WNT8B: variants seen among roughly 807,000 people sequenced by gnomAD.
WNT8B encodes Wnt family member 8B, also known as protein Wnt-8b.
Under a neutral mutation model 36.6 loss-of-function variants are expected in WNT8B, and 24 were observed. The observed-to-expected ratio is 0.66, with a 90% confidence interval of 0.48 to 0.92. The LOEUF is 0.92. WNT8B is among the 40% of genes least tolerant of loss of function. The probability of loss-of-function intolerance (pLI) is 0.00; values close to 1 mark genes in which losing one functional copy is unlikely to be tolerated. For missense variants in WNT8B, 402 were observed against 470.8 expected, an observed-to-expected ratio of 0.85 and a Z score of 1.35; for synonymous variants, 199 against 189.8, an observed-to-expected ratio of 1.05 and a Z score of -0.40.
intron 1 of WNT8B, among the ~76,000 whole-genome samples, chr10:100,477,940 C>CTGTTTTTTTTTTT (rs1169521181): frequency 4.2e-4 from 61 of 145,146 alleles, no homozygotes; most frequent in African/African-American, 1.6e-3. Context: ...CCATGCCTAG[C>CTGTTTTTTTTTTT]TATTTTTTTT....
intron 1 of WNT8B, among the ~76,000 whole-genome samples, chr10:100,478,454 T>C (rs556918838): frequency 6.6e-6 from 1 of 152,322 alleles, no homozygotes; most frequent in Non-Finnish European, 1.5e-5. Context: ...CCCCACTTCA[T>C]GGCAGAATAA....
At chr10:100,468,762 T>C (rs10883497) in intron 1 of WNT8B, among the ~76,000 whole-genome samples, 32,454 of 152,276 alleles carry the variant, frequency 0.21, 3,559 homozygotes, top group South Asian at 0.23. Context: ...ATTTGTGCTT[T>C]GCTTGTGAAG....
rs1851140151 is a variant in WNT8B, at chr10:100,483,049, G to A, written c.*233G>A. 1 of 475,064 alleles carries A rather than the reference G, an allele frequency of 2.1e-6. No individual in the cohort carries two copies. Among genetic ancestry groups the A allele is most frequent in the East Asian group, 3.4e-5 (1 of 29,782 alleles). The allele number at this position is 475,064 out of a possible 1,614,324, so 29.4% of individuals were successfully genotyped here. A position where few individuals can be genotyped will look rare whatever the true frequency, so the allele number is the denominator to read the frequency against. On this transcript the variant is annotated 3_prime_UTR_variant, in exon 6 of 6. Transcript: ENST00000343737. ...AGCCACACCTAGGTCTGAGAACTCA[G>A]GCTTTGAGTTACTGATCTTCCTTGG...
At chr10:100,475,201 C>T (rs373918211) in intron 1 of WNT8B, among the ~76,000 whole-genome samples, 39 of 152,200 alleles carry the variant, frequency 2.6e-4, no homozygotes, top group African/African-American at 6.7e-4. Flanking sequence ...GATCATGCCA[C>T]TGCACTCCAA....
At chr10:100,472,829 T>C (rs1850993660) in intron 1 of WNT8B, among the ~76,000 whole-genome samples, 1 of 152,254 alleles carries the variant, frequency 6.6e-6, no homozygotes, top group African/African-American at 2.4e-5. Context: ...GGTTTGATTA[T>C]AGCACTAACC....
rs1226752391 is a variant in WNT8B, at chr10:100,482,753, C to T, written c.993C>T (p.Tyr331=). The T allele has an allele frequency of 1.3e-6, 2 of 1,599,246 alleles. No individual in the cohort carries two copies. Among genetic ancestry groups the T allele is most frequent in the Non-Finnish European group, 8.5e-7 (1 of 1,172,666 alleles). The change falls in exon 6 of 6, where the codon TAC becomes TAT. Residue 331 remains tyrosine, a synonymous_variant. Transcript: ENST00000343737. This position sits in a 1 kb window ranked among gnomAD's most constrained non-coding sequence, Gnocchi z 6.6. ...CEQCRRRVTK[Y]FCSRAERPRG... ...AGTGCCGCCGGAGGGTCACCAAGTACTTCTGTAGCCGCGCAGAGCGGCCGC... is the reference window on the plus strand; with the variant it reads ...AGTGCCGCCGGAGGGTCACCAAGTATTTCTGTAGCCGCGCAGAGCGGCCGC...
intron 1 of WNT8B, among the ~76,000 whole-genome samples, chr10:100,465,353 G>A (rs1850897515): frequency 6.6e-6 from 1 of 152,094 alleles, no homozygotes; most frequent in South Asian, 2.1e-4. Context: ...TCCAAAGATA[G>A]AGAATGAGAA....
rs566877293 is a variant in WNT8B, at chr10:100,475,273, C to T, written c.69-3779C>T. On this transcript the variant is annotated intron_variant, in intron 1 of 5. Transcript: ENST00000343737. ...CAAACAAACAGAAAAACACAAGTCC[C>T]GGGAGGTGGAGTCTGCAGTGAGCCG... 3.9e-5 allele frequency among the ~76,000 whole-genome samples: 6 copies of T among 152,068 alleles called. No homozygotes were observed. The South Asian group carries it at 6.2e-4, about 16-fold the overall frequency.
chr10:100,466,756 C>CT (rs1227820070), intron 1 of WNT8B, among the ~76,000 whole-genome samples: 1 of 151,806 alleles, frequency 6.6e-6, no homozygotes, highest in African/African-American at 2.4e-5. Flanking sequence ...GAAAGATATT[C>CT]CTTTTTTTTT....
rs910389963 is a variant in WNT8B, at chr10:100,470,269, T to C, written c.68+7033T>C. The stretch of plus-strand genomic sequence containing the variant: ...GCCTCCTGAGTAGCTGGGACTATAG[T>C]GTATGCCACCATACCTGGCTAAGTT... On this transcript the variant is annotated intron_variant, in intron 1 of 5. Coordinates refer to ENST00000343737, the MANE Select transcript of WNT8B (RefSeq NM_003393.4). Among the ~76,000 whole-genome samples, 9 of 152,288 alleles carry C rather than the reference T, an allele frequency of 5.9e-5. No individual in the cohort carries two copies. The East Asian group carries it at 1.7e-3, about 29-fold the overall frequency.
chr10:100,481,028 T>C lies in WNT8B; in HGVS notation c.272T>C (p.Ile91Thr). ...ANRETAFVHAISSAGVMYTLT... is the reference protein window; with the variant it reads ...ANRETAFVHATSSAGVMYTLT... ...CGGGAGACAGCATTTGTGCATGCCA[T>C]CAGTTCTGCTGGAGTCATGTACACC... is the stretch of plus-strand genomic sequence containing the variant. Residue 91 changes from isoleucine (I) to threonine (T), a missense_variant, in exon 4 of 6, where the codon ATC becomes ACC. By Grantham distance (89) the Ile-to-Thr change is moderately conservative. Around this residue, in one of 3 missense-constraint regions of WNT8B, gnomAD observed 131 missense variants for 152.6 expected, o/e 0.86. Transcript: ENST00000343737. The C allele has an allele frequency of 6.2e-7, 1 of 1,614,050 alleles. No homozygotes were observed. Among genetic ancestry groups the C allele is most frequent in the South Asian group, 1.1e-5 (1 of 91,086 alleles).
chr10:100,481,985 C>T lies in WNT8B; in HGVS notation c.441C>T (p.Val147=). 1 of 1,614,108 alleles carries T rather than the reference C, an allele frequency of 6.2e-7. No individual in the cohort carries two copies. Among genetic ancestry groups the T allele is most frequent in the Non-Finnish European group, 8.5e-7 (1 of 1,180,030 alleles). ...GFGEAISKQF[V]DALETGQDAR... is the part of the protein sequence containing the mutation. ...GAGAGGCGATTTCCAAGCAGTTTGTCGATGCCCTGGAAACAGGACAGGATG... is the reference window on the plus strand; with the variant it reads ...GAGAGGCGATTTCCAAGCAGTTTGTTGATGCCCTGGAAACAGGACAGGATG... Residue 147 remains valine, a synonymous_variant, in exon 5 of 6, where the codon GTC becomes GTT. Coordinates refer to ENST00000343737, the MANE Select transcript of WNT8B (RefSeq NM_003393.4).
chr10:100,472,913 G>T (rs890896900), intron 1 of WNT8B, among the ~76,000 whole-genome samples: 3 of 152,204 alleles, frequency 2.0e-5, no homozygotes, highest in Non-Finnish European at 4.4e-5. Context: ...ACAGTCATCT[G>T]CTCACTACAC....
intron 1 of WNT8B, among the ~76,000 whole-genome samples, chr10:100,469,817 G>A (rs1009647409): frequency 6.6e-6 from 1 of 152,324 alleles, no homozygotes; most frequent in South Asian, 2.1e-4. Flanking sequence ...TCACTCAGAA[G>A]AGCTATCTTT....
chr10:100,482,103 A>T lies in WNT8B; in HGVS notation c.510+49A>T. ...TAGGCAGCTGCTGGCTATATCCACT[A>T]CCAGCTCCAGGTGCGGACAACTCTT... On this transcript the variant is annotated intron_variant, in intron 5 of 5. Coordinates refer to ENST00000343737, the MANE Select transcript of WNT8B (RefSeq NM_003393.4). The surrounding 1 kb of genome is among the most constrained non-coding windows in gnomAD (Gnocchi z 6.6). 6.2e-7 allele frequency: 1 copy of T among 1,610,312 alleles called. No individual in the cohort carries two copies. Among genetic ancestry groups the T allele is most frequent in the Non-Finnish European group, 8.5e-7 (1 of 1,177,308 alleles).
In WNT8B at chr10:100,483,035, G is replaced by A. The variant is rs571357813; in HGVS notation, c.*219G>A. The A allele has an allele frequency of 5.4e-4, 274 of 510,882 alleles. 1 individual carries two copies. The highest frequency in any genetic ancestry group is 1.0e-3 in the Admixed American group (27 of 25,846). 31.6% of individuals were successfully genotyped at this position (510,882 alleles called of 1,614,324 possible). ...GTCTGAATCCTCGCAGCCACACCTA[G>A]GTCTGAGAACTCAGGCTTTGAGTTA... On this transcript the variant is annotated 3_prime_UTR_variant, in exon 6 of 6. Transcript: ENST00000343737.
intron 1 of WNT8B, among the ~76,000 whole-genome samples, chr10:100,472,084 C>T (rs1226916871): frequency 6.7e-6 from 1 of 149,174 alleles, no homozygotes; most frequent in African/African-American, 2.4e-5. Flanking sequence ...GTCCCAGCTA[C>T]TCGGGAGGCT....
Position 100,482,584 on chromosome 10 carries a change from G to A in WNT8B, c.824G>A (p.Arg275His). 1 of 1,597,906 alleles carries A rather than the reference G, an allele frequency of 6.3e-7. No homozygotes were observed. The highest frequency in any genetic ancestry group is 1.1e-5 in the South Asian group (1 of 90,580). Residue 275 changes from arginine to histidine, a missense_variant, in exon 6 of 6, where the codon CGC becomes CAC. By Grantham distance (29) the Arg-to-His change is conservative (BLOSUM62 0). Transcript: ENST00000343737. This position sits in a 1 kb window ranked among gnomAD's most constrained non-coding sequence, Gnocchi z 6.6. ...ACCGAAGGCCGAGAGTGCCTAAGGC[G>A]CGGGCGGGCCCTGGGTCGCTGGGAA... ...LGTEGRECLRRGRALGRWERR... is the reference protein window; with the variant it reads ...LGTEGRECLRHGRALGRWERR...
At position 100,482,801 on chromosome 10, in the gene WNT8B, C is replaced by G; in HGVS notation, c.1041C>G (p.Pro347=). Residue 347 remains proline, a synonymous_variant, in exon 6 of 6, where the codon CCC becomes CCG. Transcript: ENST00000343737. The surrounding 1 kb of genome is among the most constrained non-coding windows in gnomAD (Gnocchi z 6.6). ...CGCGGGGGGGCGCTGCGCACAAACC[C>G]GGGAGAAAACCCTAAGGGTTTCCTC... The part of the protein sequence containing the change: ...ERPRGGAAHK[P]GRKP 3.2e-6 allele frequency: 5 copies of G among 1,574,196 alleles called. No homozygotes were observed. Among genetic ancestry groups the G allele is most frequent in the South Asian group, 2.3e-5 (2 of 86,652 alleles).
Sources: gnomAD v4.1 joint callset for allele counts (sites outside exome capture counted in the v4.1 genomes callset) on GRCh38, gnomAD v4.1.1 for gene constraint, gnomAD v4.1.1 regional missense constraint, Gnocchi (gnomAD v3.1) non-coding constraint, MANE v1.5 for transcripts, NCBI Gene and HGNC (gene_info 2026-07-23, HGNC 2026-07-21) for gene names.